Variants in PTPRR observed in about 807,000 individuals in gnomAD.
PTPRR encodes the protein receptor-type tyrosine-protein phosphatase R.
In PTPRR, 38 loss-of-function variants were observed where a neutral mutation model predicts 77.2. That is an observed-to-expected ratio of 0.49 (90% CI 0.38 to 0.65). PTPRR has a LOEUF of 0.65. Among genes scored for constraint, PTPRR ranks in the 30% least tolerant of loss-of-function variants. The probability of loss-of-function intolerance (pLI) is 0.00; values close to 1 mark genes in which losing one functional copy is unlikely to be tolerated. For synonymous variants in PTPRR, 299 were observed against 283.1 expected (o/e 1.06, Z -0.57); for missense variants, 744 against 799.2 (o/e 0.93, Z 0.83).
At chr12:70,765,384 A>G (rs1302535187) in intron 2 of PTPRR, among the ~76,000 whole-genome samples, 2 of 152,194 alleles carry the variant, frequency 1.3e-5, no homozygotes, top group African/African-American at 4.8e-5. Flanking sequence ...GGAGGGTCCT[A>G]TGCCCATGGA....
intron 2 of PTPRR, among the ~76,000 whole-genome samples, chr12:70,881,816 G>T (rs979412779): frequency 6.6e-6 from 1 of 152,174 alleles, no homozygotes; most frequent in Non-Finnish European, 1.5e-5. Context: ...TATTTCTGAA[G>T]TCATTCTGAC....
chr12:70,733,175 G>A (rs1179148623), intron 6 of PTPRR, among the ~76,000 whole-genome samples: 1 of 151,828 alleles, frequency 6.6e-6, no homozygotes, highest in Non-Finnish European at 1.5e-5. Flanking sequence ...GACATTATTA[G>A]GGAACAATAA....
At chr12:70,639,383 A>T in intron 13 of PTPRR, 106 bp from the exon 14 acceptor site, 4 of 1,427,072 alleles carry the variant, frequency 2.8e-6, no homozygotes, top group Non-Finnish European at 3.8e-6. Flanking sequence ...GACACATAGA[A>T]CAGTCGACCT....
At chr12:70,708,083 GCT>G (rs1888684095) in intron 6 of PTPRR, among the ~76,000 whole-genome samples, 1 of 151,990 alleles carries the variant, frequency 6.6e-6, no homozygotes, top group Non-Finnish European at 1.5e-5. Context: ...AATGCCAGGG[GCT>G]CTTTCCTCTG....
intron 2 of PTPRR, among the ~76,000 whole-genome samples, chr12:70,841,100 C>T (rs1311708498): frequency 6.6e-6 from 1 of 150,676 alleles, no homozygotes; most frequent in Non-Finnish European, 1.5e-5. Context: ...TAAACCTTTT[C>T]CCTGCCCCAG....
intron 6 of PTPRR, among the ~76,000 whole-genome samples, chr12:70,713,647 G>A (rs1888915130): frequency 6.7e-6 from 1 of 150,184 alleles, no homozygotes. Context: ...CCTAATGACT[G>A]ACAATGTTGA....
At position 70,694,438 on chromosome 12, in the gene PTPRR, G is replaced by A. The variant is rs1013709368; in HGVS notation, c.1279+3827C>T. Among the ~76,000 whole-genome samples, 45 of 152,128 alleles carry A rather than the reference G, an allele frequency of 3.0e-4. 1 individual carries two copies. Among genetic ancestry groups the A allele is most frequent in the African/African-American group, 1.1e-3 (44 of 41,430 alleles). On this transcript the variant is annotated intron_variant, in intron 8 of 13. Coordinates refer to ENST00000283228, the MANE Select transcript of PTPRR (RefSeq NM_002849.4). ...CAACAGTGGATTGGATAAAGAAAAT[G>A]TGGTACACATACACCATGGAACACC...
chr12:70,676,136 T>G (rs1371055039), intron 10 of PTPRR, among the ~76,000 whole-genome samples: 1 of 151,910 alleles, frequency 6.6e-6, no homozygotes, highest in African/African-American at 2.4e-5. Flanking sequence ...TTATGGTATA[T>G]TGGATATCAA....
intron 2 of PTPRR, among the ~76,000 whole-genome samples, chr12:70,885,695 C>T (rs767048855): frequency 2.8e-5 from 4 of 144,306 alleles, no homozygotes; most frequent in African/African-American, 8.0e-5. Context: ...CCACCATGCC[C>T]GGCTAATTTT....
Position 70,866,241 on chromosome 12 carries a change from C to T in PTPRR, c.357+26438G>A, listed in dbSNP as rs535901257. ...AAACCCTTCAAAAAATTAATGAATCCAGGAGGTGGTTTTGTGAAAGGATCA... is the reference window on the plus strand; with the variant it reads ...AAACCCTTCAAAAAATTAATGAATCTAGGAGGTGGTTTTGTGAAAGGATCA... On this transcript the variant is annotated intron_variant, in intron 2 of 13. Transcript: ENST00000283228. 2.6e-5 allele frequency among the ~76,000 whole-genome samples: 4 copies of T among 152,122 alleles called. No homozygotes were observed. In the South Asian group the frequency reaches 6.2e-4, roughly 24 times the overall value.
At chr12:70,642,546 A>G (rs1274048802) in intron 13 of PTPRR, among the ~76,000 whole-genome samples, 1 of 152,182 alleles carries the variant, frequency 6.6e-6, no homozygotes, top group African/African-American at 2.4e-5. Flanking sequence ...CATGATATAT[A>G]CTATCTAATC....
chr12:70,733,482 G>GAGAAAAAAAAAAAA (rs1889757229), intron 6 of PTPRR, among the ~76,000 whole-genome samples: 1 of 92,316 alleles, frequency 1.1e-5, no homozygotes, highest in African/African-American at 5.9e-5. Flanking sequence ...AAAAAAAAAA[G>GAGAAAAAAAAAAAA]AAAAAAAAAG....
At chr12:70,876,814 T>C (rs1359412461) in intron 2 of PTPRR, among the ~76,000 whole-genome samples, 1 of 152,226 alleles carries the variant, frequency 6.6e-6, no homozygotes, top group Non-Finnish European at 1.5e-5. Context: ...GGAAAATCGC[T>C]ACATTATTTA....
intron 7 of PTPRR, 56 bp from the exon 8 acceptor site, chr12:70,698,405 T>C: frequency 6.9e-7 from 1 of 1,456,304 alleles, no homozygotes; most frequent in Non-Finnish European, 9.6e-7. Context: ...AAAGAAAATC[T>C]TCACAGGGGG....
At chr12:70,663,821 C>A (rs1886881785) in intron 10 of PTPRR, among the ~76,000 whole-genome samples, 2 of 152,164 alleles carry the variant, frequency 1.3e-5, no homozygotes, top group African/African-American at 4.8e-5. Context: ...TCATTTGTTG[C>A]CTTCAATCAG....
chr12:70,775,954 C>T (rs1048859339), intron 2 of PTPRR, among the ~76,000 whole-genome samples: 1 of 152,184 alleles, frequency 6.6e-6, no homozygotes, highest in Non-Finnish European at 1.5e-5. Context: ...TCCCTTCTCA[C>T]AATTCTCTGC....
intron 8 of PTPRR, among the ~76,000 whole-genome samples, chr12:70,688,772 G>C (rs1311662735): frequency 6.6e-6 from 1 of 152,106 alleles, no homozygotes; most frequent in African/African-American, 2.4e-5. Context: ...AATAGCCAAG[G>C]TTTGAAAACA....
intron 2 of PTPRR, among the ~76,000 whole-genome samples, chr12:70,867,226 A>G (rs1359755365): frequency 6.6e-6 from 1 of 152,102 alleles, no homozygotes; most frequent in Non-Finnish European, 1.5e-5. Flanking sequence ...AGGGTATTCA[A>G]TCAGGAAAAG....
At chr12:70,760,838 G>A (rs1285371354) in intron 4 of PTPRR, among the ~76,000 whole-genome samples, 1 of 152,124 alleles carries the variant, frequency 6.6e-6, no homozygotes, top group Non-Finnish European at 1.5e-5. Context: ...TTGTTAGAGC[G>A]GGATGGAGTA....
Sources: gnomAD v4.1 joint callset for allele counts (sites outside exome capture counted in the v4.1 genomes callset) on GRCh38, gnomAD v4.1.1 for gene constraint, MANE v1.5 for transcripts, NCBI Gene and HGNC (gene_info 2026-07-23, HGNC 2026-07-21) for gene names.